Variants in UBXN2A observed in about 807,000 individuals in gnomAD.
The protein encoded by UBXN2A is UBX domain protein 2A, also known as UBX domain-containing protein 2A.
A neutral mutation model predicts 28.4 loss-of-function variants in UBXN2A; 28 were observed. The ratio of observed to expected loss-of-function variants is 0.99; its 90% CI spans 0.73 to 1.35. The LOEUF is 1.35. UBXN2A is among the 40% of genes most tolerant of loss of function. The pLI, the probability that UBXN2A is intolerant of heterozygous loss-of-function variation, is 0.00. For missense variants in UBXN2A, 253 were observed against 297.9 expected, an observed-to-expected ratio of 0.85 and a Z score of 1.11; for synonymous variants, 97 against 103.6, an observed-to-expected ratio of 0.94 and a Z score of 0.39.
chr2:23,928,105 G>A (rs539793396), intron 1 of UBXN2A, among the ~76,000 whole-genome samples: 9 of 151,442 alleles, frequency 5.9e-5, no homozygotes, highest in African/African-American at 2.2e-4. Flanking sequence ...GAACCCAGAA[G>A]ATGGAGGTTG....
rs1332106980 is a variant in UBXN2A at position 23,972,271 on chromosome 2, A to G, written c.180+857A>G. 4.6e-5 allele frequency among the ~76,000 whole-genome samples: 7 copies of G among 152,306 alleles called. No individual in the cohort carries two copies. In the East Asian group the frequency reaches 1.3e-3, roughly 29 times the overall value. ...CAAATCCACTGAATCCAAAAATCCA[A>G]AATGCTTCAAAATCCAACATGTTTT... On this transcript the variant is annotated intron_variant, in intron 3 of 6. Transcript: ENST00000309033.
At chr2:23,966,422 A>G (rs1431606490) in intron 2 of UBXN2A, among the ~76,000 whole-genome samples, 1 of 149,556 alleles carries the variant, frequency 6.7e-6, no homozygotes, top group African/African-American at 2.5e-5. Flanking sequence ...GGCGTGAGCC[A>G]CCGCACCTGG....
chr2:23,998,918 C>T (rs1708644581), intron 6 of UBXN2A, among the ~76,000 whole-genome samples: 1 of 152,120 alleles, frequency 6.6e-6, no homozygotes, highest in Admixed American at 6.5e-5. Flanking sequence ...AATCTTTCCC[C>T]AGTTCTTTTA....
chr2:23,938,921 G>C (rs1705620122), upstream of UBXN2A, among the ~76,000 whole-genome samples: 1 of 152,282 alleles, frequency 6.6e-6, no homozygotes, highest in South Asian at 2.1e-4. Flanking sequence ...TGCCTAATGG[G>C]ATCAATTTAA....
chr2:23,949,116 C>CTTTTTTTTTT (rs1223944833), intron 1 of UBXN2A, among the ~76,000 whole-genome samples: 192 of 127,096 alleles, frequency 1.5e-3, no homozygotes, highest in Middle Eastern at 8.6e-3. Context: ...ATTTTTTTTT[C>CTTTTTTTTTT]TTTTTTTTTT....
At chr2:23,976,029 CA>C (rs2150878701) in intron 3 of UBXN2A, among the ~76,000 whole-genome samples, 1 of 152,280 alleles carries the variant, frequency 6.6e-6, no homozygotes, top group South Asian at 2.1e-4. Flanking sequence ...ATTGATTTTT[CA>C]GATTTTTGAA....
At chr2:23,970,138 G>T (rs903207913) in intron 2 of UBXN2A, among the ~76,000 whole-genome samples, 1 of 152,064 alleles carries the variant, frequency 6.6e-6, no homozygotes, top group African/African-American at 2.4e-5. Flanking sequence ...CAAAAAATTA[G>T]CTGGACATGG....
At chr2:23,993,436 A>G (rs1708421976) in intron 6 of UBXN2A, among the ~76,000 whole-genome samples, 1 of 152,108 alleles carries the variant, frequency 6.6e-6, no homozygotes, top group Non-Finnish European at 1.5e-5. Context: ...TGGTAGAGAC[A>G]GGGTCTCACC....
chr2:23,966,876 G>A (rs1707203509), intron 2 of UBXN2A, among the ~76,000 whole-genome samples: 2 of 150,392 alleles, frequency 1.3e-5, no homozygotes, highest in South Asian at 2.1e-4. Flanking sequence ...CCTGAGCTCA[G>A]CCTCCCAAGT....
chr2:23,988,260 A>G lies in UBXN2A; in HGVS notation c.584+3429A>G, dbSNP rs189502077. 1.4e-3 allele frequency among the ~76,000 whole-genome samples: 211 copies of G among 152,326 alleles called. 4 individuals are homozygous for G. The highest frequency in any genetic ancestry group is 2.4e-4 in the Non-Finnish European group (16 of 68,028). On this transcript the variant is annotated intron_variant, in intron 6 of 6. Transcript: ENST00000309033. ...GGAACTTCTCCCACATAACCACAAT[A>G]CAGCCATTTAAATCAGGAAACTTAA...
intron 4 of UBXN2A, among the ~76,000 whole-genome samples, chr2:23,980,570 C>T (rs541111609): frequency 3.3e-5 from 5 of 152,228 alleles, no homozygotes; most frequent in African/African-American, 4.8e-5. Flanking sequence ...ATTGTCCATT[C>T]GTACATCTTC....
At position 23,977,135 on chromosome 2, in the gene UBXN2A, G is replaced by A. The variant is rs1707701988; in HGVS notation, c.287+60G>A. ...ACCCAAAACTTTGGCAGGCTGTGGCGAGAGGATTGCCTGAGCTCAGGAGTT... is the reference window on the plus strand; with the variant it reads ...ACCCAAAACTTTGGCAGGCTGTGGCAAGAGGATTGCCTGAGCTCAGGAGTT... On this transcript the variant is annotated intron_variant, in intron 4 of 6. Transcript: ENST00000309033. 2.0e-5 allele frequency: 28 copies of A among 1,369,020 alleles called. No homozygotes were observed. In the Middle Eastern group the frequency reaches 7.2e-4, roughly 35 times the overall value. 84.8% of individuals were successfully genotyped at this position (1,369,020 alleles called of 1,614,324 possible). A position where few individuals can be genotyped will look rare whatever the true frequency, so the allele number is the denominator to read the frequency against.
Position 23,982,977 on chromosome 2 carries a change from T to C in UBXN2A, c.369T>C (p.Cys123=), listed in dbSNP as rs746520754. 1 of 1,612,122 alleles carries C rather than the reference T, an allele frequency of 6.2e-7. No homozygotes were observed. The highest frequency in any genetic ancestry group is 1.3e-5 in the African/African-American group (1 of 75,034). ...VKVEDKKNEI[C]LSTKPVFQPF... is the part of the protein sequence containing the mutation. ...TTGAAGACAAGAAAAATGAAATATG[T>C]TTGTCTACGAAGCCTGTGTTCCAGC... The change falls in exon 5 of 7, where the codon TGT becomes TGC. Residue 123 remains cysteine (C), a synonymous_variant. Transcript: ENST00000309033.
At chr2:23,986,755 G>T (rs1184886402) in intron 6 of UBXN2A, among the ~76,000 whole-genome samples, 1 of 151,822 alleles carries the variant, frequency 6.6e-6, no homozygotes, top group Non-Finnish European at 1.5e-5. Flanking sequence ...TTACAGGCAC[G>T]TGCCACCATG....
chr2:23,968,332 A>G (rs1443315993), intron 2 of UBXN2A, among the ~76,000 whole-genome samples: 2 of 152,186 alleles, frequency 1.3e-5, no homozygotes, highest in Non-Finnish European at 2.9e-5. Flanking sequence ...ATAAGATGTC[A>G]TGGTTAGGAT....
chr2:23,957,254 A>G (rs907450131), intron 1 of UBXN2A, among the ~76,000 whole-genome samples: 36 of 151,654 alleles, frequency 2.4e-4, no homozygotes, highest in Admixed American at 1.8e-3. Flanking sequence ...CCACCTCAGC[A>G]CCTCAACTTC....
At chr2:23,978,208 A>C (rs909523718) in intron 4 of UBXN2A, among the ~76,000 whole-genome samples, 19 of 152,186 alleles carry the variant, frequency 1.2e-4, no homozygotes, top group Non-Finnish European at 2.5e-4. Context: ...TACTTTACTA[A>C]GTATTTTCTA....
intron 6 of UBXN2A, among the ~76,000 whole-genome samples, chr2:23,990,122 G>A (rs908642690): frequency 6.6e-6 from 1 of 151,738 alleles, no homozygotes. Flanking sequence ...ATTCCAATAT[G>A]GATTCCCTCC....
chr2:23,933,253 T>C (rs1573518683), intron 1 of UBXN2A, among the ~76,000 whole-genome samples: 1 of 152,180 alleles, frequency 6.6e-6, no homozygotes, highest in East Asian at 1.9e-4. Flanking sequence ...ATGCCTGTAA[T>C]CCCAGCACTT....
Sources: gnomAD v4.1 joint callset for allele counts (sites outside exome capture counted in the v4.1 genomes callset) on GRCh38, gnomAD v4.1.1 for gene constraint, MANE v1.5 for transcripts, NCBI Gene and HGNC (gene_info 2026-07-23, HGNC 2026-07-21) for gene names.